The following RAB38 variants were observed in gnomAD, a reference collection of about 807,000 sequenced individuals.
RAB38 encodes RAB38, member RAS oncogene family, also known as ras-related protein Rab-38.
Under a neutral mutation model 18.4 loss-of-function variants are expected in RAB38, and 15 were observed. That is an observed-to-expected ratio of 0.82 (90% CI 0.55 to 1.26). The LOEUF (loss-of-function observed/expected upper bound fraction) is 1.26. RAB38 is among the 50% of genes most tolerant of loss of function. The pLI is 0.00. For synonymous variants in RAB38, 101 were observed against 104.4 expected (o/e 0.97, Z 0.20); for missense variants, 294 against 267.4 (o/e 1.10, Z -0.69).
chr11:87,814,723 ATTTTCT>A, the RAB38 span, among the ~76,000 whole-genome samples: 1 of 148,518 alleles, frequency 6.7e-6, no homozygotes, highest in Non-Finnish European at 1.5e-5. Flanking sequence ...TAAGTAGCTT[ATTTTCT>A]TTTTCTTTTT....
At chr11:87,960,203 T>A in the RAB38 span, among the ~76,000 whole-genome samples, 1 of 152,060 alleles carries the variant, frequency 6.6e-6, no homozygotes, top group African/African-American at 2.4e-5. Context: ...CCTGGAAAGC[T>A]TATTACAATG....
the RAB38 span, among the ~76,000 whole-genome samples, chr11:88,072,967 A>T: frequency 5.3e-5 from 8 of 152,016 alleles, no homozygotes; most frequent in African/African-American, 1.7e-4. Flanking sequence ...AACTGAAAAA[A>T]CTCAGAGCGA....
At chr11:87,833,739 C>A in the RAB38 span, among the ~76,000 whole-genome samples, 2 of 152,174 alleles carry the variant, frequency 1.3e-5, no homozygotes, top group Non-Finnish European at 2.9e-5. Flanking sequence ...AGGAATCCAG[C>A]TTCATAGTCT....
At chr11:87,837,389 A>T in the RAB38 span, among the ~76,000 whole-genome samples, 1 of 152,194 alleles carries the variant, frequency 6.6e-6, no homozygotes, top group Non-Finnish European at 1.5e-5. Flanking sequence ...TTCTATTATC[A>T]GTTCTTCCAG....
chr11:87,854,048 G>A, the RAB38 span, among the ~76,000 whole-genome samples: 17 of 152,188 alleles, frequency 1.1e-4, 1 homozygote, highest in Middle Eastern at 0.01. Context: ...AGGTTTATTT[G>A]TTAGATTGGG....
the RAB38 span, among the ~76,000 whole-genome samples, chr11:87,952,980 C>G: frequency 1.3e-5 from 2 of 151,822 alleles, no homozygotes; most frequent in Non-Finnish European, 2.9e-5. Context: ...AACATTTAAA[C>G]ATAAAACATT....
the RAB38 span, among the ~76,000 whole-genome samples, chr11:88,061,155 T>G: frequency 6.6e-6 from 1 of 152,220 alleles, no homozygotes; most frequent in Non-Finnish European, 1.5e-5. Context: ...TGACAGACTC[T>G]TACTGATTTT....
At position 88,154,803 on chromosome 11, in the gene RAB38, CT is replaced by C. The variant is rs917919295; in HGVS notation, c.203-4849del. Reference sequence around the variant, plus strand: ...GCAGATCTCTGGGCATTCAAAGCACCTGCTCATCTGGCCACCACACCTGTCC... The same window carrying C: ...GCAGATCTCTGGGCATTCAAAGCACCGCTCATCTGGCCACCACACCTGTCC... On this transcript the variant is annotated intron_variant, in intron 1 of 2. Transcript: ENST00000243662. Among the ~76,000 whole-genome samples, 7 of 152,286 alleles carry C rather than the reference CT, an allele frequency of 4.6e-5. No individual in the cohort carries two copies. In the East Asian group the frequency reaches 1.4e-3, roughly 29 times the overall value.
At chr11:87,849,073 T>C in the RAB38 span, among the ~76,000 whole-genome samples, 2 of 152,096 alleles carry the variant, frequency 1.3e-5, no homozygotes, top group African/African-American at 4.8e-5. Context: ...AACAGTACTA[T>C]GGATTCCTCC....
At chr11:88,151,461 T>G (rs1271904082) in intron 1 of RAB38, among the ~76,000 whole-genome samples, 1 of 152,226 alleles carries the variant, frequency 6.6e-6, no homozygotes, top group Non-Finnish European at 1.5e-5. Context: ...TGAAGACTTG[T>G]ATTTTCTGAA....
chr11:88,143,174 TA>T, intron 2 of RAB38, among the ~76,000 whole-genome samples: 1 of 152,352 alleles, frequency 6.6e-6, no homozygotes, highest in South Asian at 2.1e-4. Context: ...AGTCACTCTC[TA>T]ATTTAAACTT....
the RAB38 span, among the ~76,000 whole-genome samples, chr11:87,805,604 T>TACACACACACACACACGC: frequency 6.9e-6 from 1 of 145,414 alleles, no homozygotes; most frequent in African/African-American, 2.5e-5. Context: ...GAGAAAACAC[T>TACACACACACACACACGC]ACACACACAC....
the RAB38 span, among the ~76,000 whole-genome samples, chr11:87,949,757 GTTTGTTATAATT>G: frequency 6.6e-6 from 1 of 152,212 alleles, no homozygotes; most frequent in Non-Finnish European, 1.5e-5. Flanking sequence ...CTGAGAGACA[GTTTGTTATAATT>G]TTTGTTCTTT....
chr11:87,826,034 G>T, the RAB38 span, among the ~76,000 whole-genome samples: 1 of 152,016 alleles, frequency 6.6e-6, no homozygotes, highest in African/African-American at 2.4e-5. Context: ...GGGAAATTGG[G>T]TAGTAGTGCA....
the RAB38 span, among the ~76,000 whole-genome samples, chr11:87,906,553 A>G: frequency 6.6e-6 from 1 of 151,972 alleles, no homozygotes; most frequent in African/African-American, 2.4e-5. Context: ...AAAAGCTAAA[A>G]TCTTTATTAC....
intron 2 of RAB38, among the ~76,000 whole-genome samples, chr11:88,114,500 CT>C (rs1429829028): frequency 1.3e-5 from 2 of 152,180 alleles, no homozygotes; most frequent in African/African-American, 4.8e-5. Context: ...TAATTGCCCT[CT>C]GCCACATACT....
chr11:87,806,726 A>G, the RAB38 span, among the ~76,000 whole-genome samples: 7 of 152,238 alleles, frequency 4.6e-5, no homozygotes, highest in African/African-American at 1.7e-4. Context: ...GTAAGGTAAA[A>G]TATTTAAATC....
the RAB38 span, among the ~76,000 whole-genome samples, chr11:87,962,146 G>A: frequency 6.6e-6 from 1 of 152,194 alleles, no homozygotes. Context: ...TCTCAGAAAA[G>A]GAATGCCTTA....
chr11:88,175,322 C>G lies in RAB38; in HGVS notation c.63G>C (p.Gly21=), dbSNP rs951552133. 1 of 1,614,218 alleles carries G rather than the reference C, an allele frequency of 6.2e-7. No individual in the cohort carries two copies. The highest frequency in any genetic ancestry group is 8.5e-7 in the Non-Finnish European group (1 of 1,180,036). Reference sequence around the variant, plus strand: ...CGTAGCGCTTGATGATACTGGTCTTCCCCACGCCCAGGTCGCCAATCACCA... The same window carrying G: ...CGTAGCGCTTGATGATACTGGTCTTGCCCACGCCCAGGTCGCCAATCACCA... ...KLLVIGDLGV[G]KTSIIKRYVH... The change falls in exon 1 of 3, where the codon GGG becomes GGC. Residue 21 remains glycine, a synonymous_variant. Transcript: ENST00000243662.
Sources: allele counts gnomAD v4.1 joint callset (sites outside exome capture counted in the v4.1 genomes callset), GRCh38; gene constraint gnomAD v4.1.1; transcripts MANE v1.5; gene names NCBI Gene and HGNC (gene_info 2026-07-23, HGNC 2026-07-21).